EHHADH: variants seen among roughly 807,000 people sequenced by gnomAD.
EHHADH encodes the protein enoyl-CoA hydratase and 3-hydroxyacyl CoA dehydrogenase.
In EHHADH, 48 loss-of-function variants were observed where a neutral mutation model predicts 64.4. The observed-to-expected ratio is 0.75, with a 90% CI of 0.59 to 0.95. EHHADH has a LOEUF of 0.95. EHHADH is among the 40% of genes least tolerant of loss of function. EHHADH has a pLI of 0.00. For synonymous variants in EHHADH, 308 were observed against 326.7 expected, an observed-to-expected ratio of 0.94 and a Z score of 0.62; for missense variants, 854 against 876.6, an observed-to-expected ratio of 0.97 and a Z score of 0.33.
At chr3:185,204,336 G>T in intron 6 of EHHADH, 80 bp downstream of exon 6, 1 of 1,290,514 alleles carries the variant, frequency 7.7e-7, no homozygotes, top group Non-Finnish European at 1.1e-6. Flanking sequence ...GTGAAACCTA[G>T]CATCCGGTAG....
Position 185,193,009 on chromosome 3 carries a change from T to A in EHHADH, c.1389A>T (p.Ser463=). Residue 463 remains serine, a synonymous_variant, in exon 7 of 7, where the codon TCA becomes TCT. Coordinates refer to ENST00000231887, the MANE Select transcript of EHHADH (RefSeq NM_001966.4). ...CGACTCCAATCTTTTTAATCTTTTT[T>A]GATAAGTTCATAACAGTGGCAATGG... ...PTTIATVMNL[S]KKIKKIGVVV... 1 of 1,614,236 alleles carries A rather than the reference T, an allele frequency of 6.2e-7. No homozygotes were observed. The highest frequency in any genetic ancestry group is 8.5e-7 in the Non-Finnish European group (1 of 1,180,044).
At chr3:185,224,290 G>A (rs1269978996) in intron 4 of EHHADH, among the ~76,000 whole-genome samples, 3 of 151,554 alleles carry the variant, frequency 2.0e-5, no homozygotes, top group African/African-American at 4.8e-5. Flanking sequence ...ACTTGAGGTC[G>A]GCGGTTTGAG....
chr3:185,220,867 A>G (rs1217653328), intron 4 of EHHADH, among the ~76,000 whole-genome samples: 1 of 152,100 alleles, frequency 6.6e-6, no homozygotes, highest in Non-Finnish European at 1.5e-5. Context: ...TTTTTTCCAC[A>G]TGGAACTCTT....
chr3:185,213,875 C>T (rs544095057), intron 5 of EHHADH, among the ~76,000 whole-genome samples: 1 of 139,856 alleles, frequency 7.2e-6, no homozygotes, highest in African/African-American at 2.7e-5. Flanking sequence ...AGCGAAACTC[C>T]GTCTCAAAAA....
intron 5 of EHHADH, among the ~76,000 whole-genome samples, chr3:185,214,876 G>C (rs1337857025): frequency 6.6e-6 from 1 of 152,132 alleles, no homozygotes; most frequent in Non-Finnish European, 1.5e-5. Context: ...GAGTATTACT[G>C]TATACAAATC....
In EHHADH at chr3:185,193,317, G is replaced by A. The variant is rs186736134; in HGVS notation, c.1081C>T (p.Pro361Ser). ...ACAGATGAAGTTAACCTGGGTTTTG[G>A]TCCTGACCAAGGGTGGCCGCTCTGT... ...MQQSGHPWSG[P>S]KPRLTSSVKE... Residue 361 changes from proline (P) to serine (S), a missense_variant, in exon 7 of 7, where the codon CCA becomes TCA. Transcript: ENST00000231887. 3.7e-6 allele frequency: 6 copies of A among 1,612,344 alleles called. No individual in the cohort carries two copies. In the East Asian group the frequency reaches 1.3e-4, roughly 36 times the overall value.
chr3:185,248,506 A>T lies in EHHADH; in HGVS notation c.86T>A (p.Leu29His). The change falls in exon 2 of 7, where the codon CTC (leucine) becomes CAC (histidine). Residue 29 changes from leucine (L) to histidine (H), a missense_variant. Physicochemically the swap from Leu to His is moderately conservative, Grantham distance 99 (BLOSUM62 -3). Coordinates refer to ENST00000231887, the MANE Select transcript of EHHADH (RefSeq NM_001966.4). Reference sequence around the variant, plus strand: ...CTGTAGTCCTTCTTTTATGTCACGGAGTAAAGTCGTACTAAAAGAAAACAA... The same window carrying T: ...CTGTAGTCCTTCTTTTATGTCACGGTGTAAAGTCGTACTAAAAGAAAACAA... ...PPVNAISTTL[L>H]RDIKEGLQKA... The T allele has an allele frequency of 3.1e-6, 5 of 1,609,024 alleles. No homozygotes were observed. In the South Asian group the frequency reaches 5.5e-5, roughly 18 times the overall value.
chr3:185,217,620 T>TTCCTG (rs1038524168), intron 5 of EHHADH, among the ~76,000 whole-genome samples: 5 of 151,516 alleles, frequency 3.3e-5, no homozygotes, highest in Admixed American at 3.3e-4. Flanking sequence ...GACGTGCCTA[T>TTCCTG]TCCTGCTTCA....
chr3:185,250,281 T>G (rs1224965882), intron 1 of EHHADH, among the ~76,000 whole-genome samples: 2 of 152,158 alleles, frequency 1.3e-5, no homozygotes, highest in Non-Finnish European at 2.9e-5. Context: ...AAGAGATAGC[T>G]AAAACCAAGA....
At position 185,229,428 on chromosome 3, in the gene EHHADH, T is replaced by C; in HGVS notation, c.463+4A>G. The C allele has an allele frequency of 6.6e-7, 1 of 1,505,852 alleles. No individual in the cohort carries two copies. The highest frequency in any genetic ancestry group is 1.9e-5 in the Admixed American group (1 of 52,932). 93.3% of individuals were successfully genotyped at this position (1,505,852 alleles called of 1,614,324 possible). A position where few individuals can be genotyped will look rare whatever the true frequency, so the allele number is the denominator to read the frequency against. On this transcript the variant is annotated splice_donor_region_variant and intron_variant, in intron 4 of 6. Transcript: ENST00000231887. The stretch of plus-strand genomic sequence containing the variant: ...AGACAGTTGTTGCCAAGGTCTATAC[T>C]GACCTGAGGTAATTAAGTCAAGTGC...
chr3:185,209,005 G>A (rs1718470375), intron 5 of EHHADH, among the ~76,000 whole-genome samples: 1 of 152,198 alleles, frequency 6.6e-6, no homozygotes, highest in East Asian at 1.9e-4. Context: ...AAAGATCAGT[G>A]GTTGCCTAGG....
At chr3:185,224,914 A>C (rs1718933192) in intron 4 of EHHADH, among the ~76,000 whole-genome samples, 1 of 152,180 alleles carries the variant, frequency 6.6e-6, no homozygotes, top group African/African-American at 2.4e-5. Flanking sequence ...CCCTCTCAAG[A>C]TCTTTAATGT....
rs1717949526 is a variant in EHHADH, at chr3:185,193,072, C to T, written c.1326G>A (p.Leu442=). 3 of 1,613,966 alleles carry T rather than the reference C, an allele frequency of 1.9e-6. No homozygotes were observed. In the Admixed American group the frequency reaches 5.0e-5, roughly 27 times the overall value. The change falls in exon 7 of 7, where the codon TTG becomes TTA. Residue 442 remains leucine (L), a synonymous_variant. Coordinates refer to ENST00000231887, the MANE Select transcript of EHHADH (RefSeq NM_001966.4). ...AGTATTGGCTGGGAATAACCTCTAA[C>T]AACTTCATGACATGAGCTGGCGAAA... is the stretch of plus-strand genomic sequence containing the variant. ...HFFSPAHVMK[L]LEVIPSQYSS...
intron 4 of EHHADH, among the ~76,000 whole-genome samples, chr3:185,223,249 T>C (rs1316384712): frequency 2.0e-5 from 3 of 152,194 alleles, no homozygotes; most frequent in Admixed American, 6.5e-5. Flanking sequence ...TTATCCTCTA[T>C]GTTGTTGATT....
At chr3:185,202,786 C>T (rs1577356053) in intron 6 of EHHADH, among the ~76,000 whole-genome samples, 1 of 152,080 alleles carries the variant, frequency 6.6e-6, no homozygotes, top group African/African-American at 2.4e-5. Context: ...TCCCCCAATC[C>T]GTGAAAAATT....
In EHHADH at chr3:185,192,740, C is replaced by T. The variant is rs1717934700; in HGVS notation, c.1658G>A (p.Arg553Lys). 6.2e-7 allele frequency: 1 copy of T among 1,613,926 alleles called. No individual in the cohort carries two copies. The highest frequency in any genetic ancestry group is 8.5e-7 in the Non-Finnish European group (1 of 1,180,014). ...TLLPGTPARK[R>K]GNRRYCPIPD... ...AATTGGGCAGTACCTCCTATTACCC[C>T]TTTTTCGGGCAGGAGTTCCTGGAAG... Residue 553 changes from arginine (R) to lysine (K), a missense_variant, in exon 7 of 7, where the codon AGG becomes AAG. Coordinates refer to ENST00000231887, the MANE Select transcript of EHHADH (RefSeq NM_001966.4).
In EHHADH at chr3:185,239,167, T is replaced by C. The variant is rs369247742; in HGVS notation, c.179-3705A>G. Reference sequence around the variant, plus strand: ...TGTGTCTATTTTTGTATCAGTACCATGCTGGTTTGGTTACCATAGCCTTAT... The same window carrying C: ...TGTGTCTATTTTTGTATCAGTACCACGCTGGTTTGGTTACCATAGCCTTAT... On this transcript the variant is annotated intron_variant, in intron 2 of 6. Transcript: ENST00000231887. 7.2e-5 allele frequency among the ~76,000 whole-genome samples: 11 copies of C among 152,332 alleles called. No individual in the cohort carries two copies. In the East Asian group the frequency reaches 1.9e-3, roughly 27 times the overall value.
chr3:185,252,114 T>C (rs1719764111), intron 1 of EHHADH, among the ~76,000 whole-genome samples: 1 of 151,942 alleles, frequency 6.6e-6, no homozygotes, highest in Non-Finnish European at 1.5e-5. Context: ...TAAAAGCAAT[T>C]GTCAGAGGCT....
chr3:185,225,639 C>G (rs1333382075), intron 4 of EHHADH, among the ~76,000 whole-genome samples: 1 of 152,140 alleles, frequency 6.6e-6, no homozygotes, highest in Non-Finnish European at 1.5e-5. Context: ...TCCTCATTCA[C>G]AAGAAAAGCC....
Sources: gnomAD v4.1 joint callset for allele counts (sites outside exome capture counted in the v4.1 genomes callset) on GRCh38, gnomAD v4.1.1 for gene constraint, MANE v1.5 for transcripts, NCBI Gene and HGNC (gene_info 2026-07-23, HGNC 2026-07-21) for gene names.